The following DSN1 variants were observed in gnomAD, a reference collection of about 807,000 sequenced individuals.
The protein encoded by DSN1 is kinetochore-associated protein DSN1 homolog.
Under a neutral mutation model 45.7 loss-of-function variants are expected in DSN1, and 31 were observed. That is an observed-to-expected ratio of 0.68 (90% CI 0.51 to 0.92). The LOEUF (loss-of-function observed/expected upper bound fraction) is 0.92, where lower values mean the gene tolerates loss of function less well. Ranked by LOEUF, DSN1 falls within the 40% of genes least tolerant of loss-of-function variation. The pLI is 0.00. For synonymous variants in DSN1, 134 were observed against 142.3 expected, an observed-to-expected ratio of 0.94 and a Z score of 0.41; for missense variants, 394 against 414.2, an observed-to-expected ratio of 0.95 and a Z score of 0.42.
intron 5 of DSN1, among the ~76,000 whole-genome samples, chr20:36,766,206 A>G (rs1490408596): frequency 2.0e-5 from 3 of 151,534 alleles, no homozygotes; most frequent in South Asian, 2.1e-4. Context: ...AAAAAAAAAA[A>G]AAAAAAGAAA....
chr20:36,764,078 G>A (rs1218864188), intron 5 of DSN1, among the ~76,000 whole-genome samples: 2 of 151,870 alleles, frequency 1.3e-5, no homozygotes, highest in Non-Finnish European at 2.9e-5. Flanking sequence ...AAAGTTAGCT[G>A]GGTGTGGTGG....
intron 6 of DSN1, among the ~76,000 whole-genome samples, chr20:36,760,036 G>A (rs1353896206): frequency 6.6e-6 from 1 of 151,878 alleles, no homozygotes; most frequent in Non-Finnish European, 1.5e-5. Flanking sequence ...CTGAGGTCAG[G>A]AGTTGAAGAC....
At position 36,752,152 on chromosome 20, in the gene DSN1, TCAAA is replaced by T; in HGVS notation, c.*632_*635del. ...TCACTGCAGCCTCAACCTCCTGGGC[TCAAA>T]CAATCCTCCCACCTCAGCCTTCTGA... On this transcript the variant is annotated 3_prime_UTR_variant, in exon 11 of 11. Transcript: ENST00000373750. 1 of 152,308 alleles carries T rather than the reference TCAAA, an allele frequency of 6.6e-6. No homozygotes were observed. Among genetic ancestry groups the T allele is most frequent in the East Asian group, 1.9e-4 (1 of 5,174 alleles). 9.4% of individuals were successfully genotyped at this position (152,308 alleles called of 1,614,324 possible). A position where few individuals can be genotyped will look rare whatever the true frequency, so the allele number is the denominator to read the frequency against.
chr20:36,760,220 G>T (rs1242937435), intron 6 of DSN1, among the ~76,000 whole-genome samples: 1 of 151,354 alleles, frequency 6.6e-6, no homozygotes, highest in African/African-American at 2.4e-5. Context: ...CTCCAGCCTG[G>T]CCAACAGAGC....
At chr20:36,766,581 G>T (rs1390254894) in intron 5 of DSN1, among the ~76,000 whole-genome samples, 188 bp downstream of exon 5, 2 of 152,172 alleles carry the variant, frequency 1.3e-5, no homozygotes, top group Non-Finnish European at 2.9e-5. Flanking sequence ...GTTGAACCCA[G>T]GAGGCAGAGG....
intron 5 of DSN1, among the ~76,000 whole-genome samples, chr20:36,765,308 C>A (rs922630256): frequency 6.8e-6 from 1 of 146,294 alleles, no homozygotes; most frequent in Admixed American, 6.9e-5. Context: ...GTAATCCCAG[C>A]ACTTTGGGAG....
intron 7 of DSN1, 125 bp downstream of exon 7, chr20:36,758,426 CCTTCTAA>C: frequency 2.6e-6 from 2 of 767,422 alleles, no homozygotes; most frequent in African/African-American, 1.8e-5. Flanking sequence ...CAATATGCAG[CCTTCTAA>C]CTTCTAGTAT....
rs548660031 is a variant in DSN1 at position 36,758,771 on chromosome 20, T to G, written c.591-154A>C. Among the ~76,000 whole-genome samples the G allele has an allele frequency of 7.9e-5, 12 of 152,374 alleles. No individual in the cohort carries two copies. In the South Asian group the frequency reaches 2.5e-3, roughly 32 times the overall value. On this transcript the variant is annotated intron_variant, in intron 6 of 10. Transcript: ENST00000373750. ...GGCACAATCTTGGCTCTCTGCAACC[T>G]CTGCCTCCCTGGTTCAACAGATTCT... is the stretch of plus-strand genomic sequence containing the variant.
At position 36,770,869 on chromosome 20, in the gene DSN1, C is replaced by T; in HGVS notation, c.355+4G>A. On this transcript the variant is annotated splice_donor_region_variant and intron_variant, in intron 3 of 10. Transcript: ENST00000373750. ...CTCACTGTCTTGTGTACACAGCACC[C>T]CACCTGTGATGCCCTGGTGAATGGG... The T allele has an allele frequency of 6.2e-7, 1 of 1,605,178 alleles. No homozygotes were observed. Among genetic ancestry groups the T allele is most frequent in the South Asian group, 1.1e-5 (1 of 90,498 alleles).
chr20:36,762,934 T>C (rs1407120101), intron 5 of DSN1, among the ~76,000 whole-genome samples: 1 of 152,076 alleles, frequency 6.6e-6, no homozygotes, highest in Non-Finnish European at 1.5e-5. Context: ...TTGTATTTTC[T>C]GTGGAAATGG....
intron 7 of DSN1, 150 bp downstream of exon 7, chr20:36,758,408 A>C (rs2148262668): frequency 1.4e-6 from 1 of 731,838 alleles, no homozygotes; most frequent in Non-Finnish European, 2.2e-6. Context: ...TAGAGTCCAT[A>C]AAAATCTCAA....
chr20:36,771,529 GGGGCTTT>G lies in DSN1; in HGVS notation c.-15-63_-15-57del. 2.6e-6 allele frequency: 4 copies of G among 1,539,318 alleles called. No individual in the cohort carries two copies. In the African/African-American group the frequency reaches 5.5e-5, roughly 21 times the overall value. The stretch of plus-strand genomic sequence containing the variant: ...CTTCACGTTTCACTGCAGTCTCAAT[GGGGCTTT>G]ACAGCCCCAGAATAAATAGGCCGTG... On this transcript the variant is annotated intron_variant, in intron 1 of 10. Transcript: ENST00000373750.
intron 4 of DSN1, among the ~76,000 whole-genome samples, chr20:36,767,758 G>A (rs1043056632): frequency 6.6e-6 from 1 of 152,006 alleles, no homozygotes; most frequent in African/African-American, 2.4e-5. Flanking sequence ...AAAAATTAGC[G>A]GGGCGTGGTG....
chr20:36,763,410 GA>G (rs71186016), intron 5 of DSN1, among the ~76,000 whole-genome samples: 30 of 84,110 alleles, frequency 3.6e-4, no homozygotes, highest in African/African-American at 1.3e-3. Context: ...CTCAAAAAAA[GA>G]AAAAAAAAAA....
intron 5 of DSN1, among the ~76,000 whole-genome samples, chr20:36,765,147 G>A (rs1601018182): frequency 6.7e-6 from 1 of 148,888 alleles, no homozygotes; most frequent in South Asian, 2.1e-4. Context: ...ACTTGTCTGG[G>A]AAGCAATCTG....
At chr20:36,756,402 A>G (rs1369729657) in intron 8 of DSN1, among the ~76,000 whole-genome samples, 1 of 152,164 alleles carries the variant, frequency 6.6e-6, no homozygotes, top group Non-Finnish European at 1.5e-5. Context: ...TACCAGAAGG[A>G]CTATACTTGG....
chr20:36,763,520 C>T (rs1987131379), intron 5 of DSN1, among the ~76,000 whole-genome samples: 1 of 151,040 alleles, frequency 6.6e-6, no homozygotes, highest in South Asian at 2.1e-4. Flanking sequence ...GCTTGTAGTT[C>T]CAGCTACTTA....
At chr20:36,762,899 C>A (rs1987077762) in intron 5 of DSN1, among the ~76,000 whole-genome samples, 1 of 152,124 alleles carries the variant, frequency 6.6e-6, no homozygotes, top group South Asian at 2.1e-4. Context: ...GGAATATAGG[C>A]AGCACCACCA....
rs565077146 is a variant in DSN1 at position 36,752,601 on chromosome 20, T to C, written c.*187A>G. The C allele has an allele frequency of 9.4e-5, 44 of 466,000 alleles. 1 individual carries two copies. The highest frequency in any genetic ancestry group is 4.9e-4 in the South Asian group (11 of 22,400). The allele number at this position is 466,000 out of a possible 1,614,324, so 28.9% of individuals were successfully genotyped here. The stretch of plus-strand genomic sequence containing the variant: ...AGCATTTTGCACATTCCTGGGAAAA[T>C]TGTCTATACAATATTCATTTGGATG... On this transcript the variant is annotated 3_prime_UTR_variant, in exon 11 of 11. Transcript: ENST00000373750.
Sources: gnomAD v4.1 joint callset for allele counts (sites outside exome capture counted in the v4.1 genomes callset) on GRCh38, gnomAD v4.1.1 for gene constraint, MANE v1.5 for transcripts, NCBI Gene and HGNC (gene_info 2026-07-23, HGNC 2026-07-21) for gene names.